Variants in RSRC1 observed in about 807,000 individuals in gnomAD.
The protein encoded by RSRC1 is arginine and serine rich coiled-coil 1.
In RSRC1, 39 loss-of-function variants were observed where a neutral mutation model predicts 49.1. The ratio of observed to expected loss-of-function variants is 0.79; its 90% CI spans 0.61 to 1.04. The LOEUF is 1.04. Among genes scored for constraint, RSRC1 ranks in the 50% least tolerant of loss-of-function variants. The pLI is 0.00. For missense variants in RSRC1, 388 were observed against 402.4 expected, an observed-to-expected ratio of 0.96 and a Z score of 0.31; for synonymous variants, 143 against 130.8, an observed-to-expected ratio of 1.09 and a Z score of -0.63.
In RSRC1 at chr3:158,275,835, T is replaced by G. The variant is rs1481130262; in HGVS notation, c.495-22204T>G. 7.5e-6 allele frequency: 4 copies of G among 531,486 alleles called. No homozygotes were observed. In the Admixed American group the frequency reaches 1.2e-4, roughly 16 times the overall value. The allele number at this position is 531,486 out of a possible 1,614,324, so 32.9% of individuals were successfully genotyped here. A position where few individuals can be genotyped will look rare whatever the true frequency, so the allele number is the denominator to read the frequency against. Reference sequence around the variant, plus strand: ...TAGTGATAACAGTGGAGCTGGAGAGTATTGCGCCTTCTCCAAGCTGCCTGG... The same window carrying G: ...TAGTGATAACAGTGGAGCTGGAGAGGATTGCGCCTTCTCCAAGCTGCCTGG... On this transcript the variant is annotated intron_variant, in intron 4 of 9. Coordinates refer to ENST00000611884, the MANE Select transcript of RSRC1 (RefSeq NM_001271838.2).
At chr3:158,273,327 T>G (rs1725625312) in intron 4 of RSRC1, among the ~76,000 whole-genome samples, 1 of 152,112 alleles carries the variant, frequency 6.6e-6, no homozygotes, top group Admixed American at 6.5e-5. Flanking sequence ...CATTTTCCAT[T>G]CATAAAGGTC....
chr3:158,441,462 T>G (rs1490775590), intron 6 of RSRC1, among the ~76,000 whole-genome samples: 2 of 152,086 alleles, frequency 1.3e-5, no homozygotes. Context: ...TTTTTTTTAT[T>G]TTTGGAGCAA....
intron 5 of RSRC1, among the ~76,000 whole-genome samples, chr3:158,341,482 C>G (rs1730239966): frequency 6.6e-6 from 1 of 152,124 alleles, no homozygotes; most frequent in Admixed American, 6.5e-5. Context: ...CTGGAAGCTT[C>G]CAGGTGTTAT....
chr3:158,414,317 AC>A (rs1734627087), intron 6 of RSRC1, among the ~76,000 whole-genome samples: 1 of 152,080 alleles, frequency 6.6e-6, no homozygotes, highest in South Asian at 2.1e-4. Flanking sequence ...ACCAAACACC[AC>A]ATGTTCTCAC....
At chr3:158,250,764 G>A (rs1724164011) in intron 4 of RSRC1, among the ~76,000 whole-genome samples, 1 of 152,140 alleles carries the variant, frequency 6.6e-6, no homozygotes, top group African/African-American at 2.4e-5. Context: ...TTGGGATGCA[G>A]ATATTTTCCC....
At position 158,298,037 on chromosome 3, in the gene RSRC1, A is replaced by G. The variant is rs1727334508; in HGVS notation, c.495-2A>G. ...TTTAGAACTTTTACTCTTCTATTTT[A>G]GGGAATCTGGAAACATCAAAGCTGG... is the stretch of plus-strand genomic sequence containing the variant. On this transcript the variant is annotated splice_acceptor_variant, in intron 4 of 9. Transcript: ENST00000611884. LOFTEE classifies it high-confidence loss of function. 1 of 1,599,762 alleles carries G rather than the reference A, an allele frequency of 6.3e-7. No individual in the cohort carries two copies. Among genetic ancestry groups the G allele is most frequent in the South Asian group, 1.1e-5 (1 of 90,586 alleles).
intron 6 of RSRC1, among the ~76,000 whole-genome samples, chr3:158,456,711 CAGCAGTAACAAAGGTATAGCA>C (rs1737343894): frequency 6.6e-6 from 1 of 152,020 alleles, no homozygotes; most frequent in South Asian, 2.1e-4. Flanking sequence ...ATGGGCACCC[CAGCAGTAACAAAGGTATAGCA>C]ATTCAAACAA....
At chr3:158,492,681 A>G (rs1049584663) in intron 7 of RSRC1, among the ~76,000 whole-genome samples, 2 of 152,174 alleles carry the variant, frequency 1.3e-5, no homozygotes, top group South Asian at 2.1e-4. Context: ...CATTTTATTT[A>G]TCTTCTCAGT....
rs1413439188 is a variant in RSRC1 at position 158,148,706 on chromosome 3, T to G, written c.320+24715T>G. On this transcript the variant is annotated intron_variant, in intron 3 of 9. Transcript: ENST00000611884. ...AGAAAGAAAAGCAAAAAATAAAAAATAAAAAAAGACGGTATTTCATTCTAG... is the reference window on the plus strand; with the variant it reads ...AGAAAGAAAAGCAAAAAATAAAAAAGAAAAAAAGACGGTATTTCATTCTAG... Among the ~76,000 whole-genome samples, 3 of 150,246 alleles carry G rather than the reference T, an allele frequency of 2.0e-5. No individual in the cohort carries two copies. The East Asian group carries it at 5.8e-4, about 29-fold the overall frequency.
rs143136752 is a variant in RSRC1, at chr3:158,224,240, A to G, written c.494+20995A>G. ...TGTAACTTTCATTTCTTAAGATAAAATTTTGATTTTTAAAAATTATCGTCA... is the reference window on the plus strand; with the variant it reads ...TGTAACTTTCATTTCTTAAGATAAAGTTTTGATTTTTAAAAATTATCGTCA... On this transcript the variant is annotated intron_variant, in intron 4 of 9. Transcript: ENST00000611884. Among the ~76,000 whole-genome samples, 198 of 151,924 alleles carry G rather than the reference A, an allele frequency of 1.3e-3. 1 individual carries two copies. Among genetic ancestry groups the G allele is most frequent in the African/African-American group, 4.6e-3 (190 of 41,522 alleles).
At chr3:158,356,173 A>G (rs968439304) in intron 6 of RSRC1, among the ~76,000 whole-genome samples, 1 of 152,064 alleles carries the variant, frequency 6.6e-6, no homozygotes, top group African/African-American at 2.4e-5. Context: ...GGACTACTGT[A>G]TATATTTCTT....
intron 7 of RSRC1, among the ~76,000 whole-genome samples, chr3:158,482,429 C>T (rs1738646621): frequency 6.6e-6 from 1 of 152,048 alleles, no homozygotes; most frequent in African/African-American, 2.4e-5. Context: ...ATTATTACTT[C>T]ACTTTAAGAA....
In RSRC1 at chr3:158,401,527, C is replaced by G. The variant is rs575656314; in HGVS notation, c.583+46619C>G. ...CAAGAAATTGCATGTTTTGAGTATTCTCTTTTATTTCCCAAACTTAAGTGG... is the reference window on the plus strand; with the variant it reads ...CAAGAAATTGCATGTTTTGAGTATTGTCTTTTATTTCCCAAACTTAAGTGG... On this transcript the variant is annotated intron_variant, in intron 6 of 9. Transcript: ENST00000611884. Among the ~76,000 whole-genome samples the G allele has an allele frequency of 2.4e-4, 37 of 152,100 alleles. No individual in the cohort carries two copies. The East Asian group carries it at 5.0e-3, about 21-fold the overall frequency.
At chr3:158,440,548 C>T (rs1736326588) in intron 6 of RSRC1, among the ~76,000 whole-genome samples, 1 of 152,176 alleles carries the variant, frequency 6.6e-6, no homozygotes, top group Non-Finnish European at 1.5e-5. Context: ...AAGCTGTTAT[C>T]TATAAATCTC....
At chr3:158,177,592 G>T (rs1719305694) in intron 3 of RSRC1, among the ~76,000 whole-genome samples, 2 of 151,824 alleles carry the variant, frequency 1.3e-5, no homozygotes, top group Admixed American at 1.3e-4. Flanking sequence ...ATTGAACAAT[G>T]AGAACACTTG....
intron 3 of RSRC1, among the ~76,000 whole-genome samples, chr3:158,197,034 T>C (rs962187024): frequency 6.6e-6 from 1 of 152,194 alleles, no homozygotes; most frequent in Non-Finnish European, 1.5e-5. Context: ...TTAGGGATGA[T>C]TCCCTCTTTT....
intron 4 of RSRC1, among the ~76,000 whole-genome samples, chr3:158,211,446 A>C (rs1431885795): frequency 6.6e-6 from 1 of 152,010 alleles, no homozygotes; most frequent in Non-Finnish European, 1.5e-5. Flanking sequence ...CCAAAAATCT[A>C]GCCATGAATA....
At chr3:158,263,839 GT>G (rs1207674476) in intron 4 of RSRC1, among the ~76,000 whole-genome samples, 1 of 152,072 alleles carries the variant, frequency 6.6e-6, no homozygotes, top group Non-Finnish European at 1.5e-5. Flanking sequence ...TGTTTAGGAT[GT>G]TCTCTTTTTA....
At chr3:158,183,813 G>A (rs937590201) in intron 3 of RSRC1, among the ~76,000 whole-genome samples, 11 of 151,998 alleles carry the variant, frequency 7.2e-5, no homozygotes, top group Admixed American at 7.2e-4. Flanking sequence ...CTACTCGGGG[G>A]GCTGATGGGG....
Sources: gnomAD v4.1 joint callset for allele counts (sites outside exome capture counted in the v4.1 genomes callset) on GRCh38, gnomAD v4.1.1 for gene constraint, MANE v1.5 for transcripts, NCBI Gene and HGNC (gene_info 2026-07-23, HGNC 2026-07-21) for gene names.